MIEF1: variants seen among roughly 807,000 people sequenced by gnomAD.
MIEF1 encodes mitochondrial elongation factor 1.
In MIEF1, 14 loss-of-function variants were observed where a neutral mutation model predicts 35.1. The observed-to-expected ratio is 0.40, with a 90% CI of 0.26 to 0.62. MIEF1 has a LOEUF of 0.62. MIEF1 is among the 20% of genes least tolerant of loss of function. MIEF1 has a pLI of 0.43. For synonymous variants in MIEF1, 245 were observed against 254.3 expected, an observed-to-expected ratio of 0.96 and a Z score of 0.35; for missense variants, 542 against 615.4, an observed-to-expected ratio of 0.88 and a Z score of 1.26.
At chr22:39,511,004 GTAA>G (rs918818512) in intron 2 of MIEF1, among the ~76,000 whole-genome samples, 3 of 152,226 alleles carry the variant, frequency 2.0e-5, no homozygotes, top group Admixed American at 1.3e-4. Flanking sequence ...GTACTTCATT[GTAA>G]TACAAAAAAG....
Position 39,517,002 on chromosome 22 carries a change from G to A in MIEF1, c.*2679G>A, listed in dbSNP as rs1331325966. On this transcript the variant is annotated 3_prime_UTR_variant, in exon 6 of 6. Coordinates refer to ENST00000325301, the MANE Select transcript of MIEF1 (RefSeq NM_019008.6). ...GCCATCTTCCTCATCATAAAGTGTG[G>A]AACATAGGCAATTGCTTTGAGATTC... 1 of 152,600 alleles carries A rather than the reference G, an allele frequency of 6.6e-6. No individual in the cohort carries two copies. Among genetic ancestry groups the A allele is most frequent in the Non-Finnish European group, 1.5e-5 (1 of 68,366 alleles). 9.5% of individuals were successfully genotyped at this position (152,600 alleles called of 1,614,324 possible).
intron 2 of MIEF1, among the ~76,000 whole-genome samples, chr22:39,505,470 G>C (rs1268150400): frequency 6.6e-6 from 1 of 152,172 alleles, no homozygotes; most frequent in East Asian, 1.9e-4. Context: ...GGGATTATAG[G>C]TTCAAACAGC....
In MIEF1 at chr22:39,511,303, C is replaced by T. The variant is rs574333298; in HGVS notation, c.9C>T (p.Gly3=). 1.5e-5 allele frequency: 24 copies of T among 1,613,676 alleles called. No homozygotes were observed. The Middle Eastern group carries it at 6.6e-4, about 44-fold the overall frequency. The part of the protein sequence containing the change: MA[G]AGERKGKKDD... ...TCATTCTCAGATGAGCAATGGCAGG[C>T]GCTGGTGAGCGCAAAGGCAAGAAGG... The change falls in exon 3 of 6, where the codon GGC becomes GGT. Residue 3 remains glycine, a synonymous_variant. Transcript: ENST00000325301.
Position 39,504,470 on chromosome 22 carries a change from G to T in MIEF1, c.-72G>T, listed in dbSNP as rs140380506. ...ATCCTCCAAGGGAAAGAGGACAAAG[G>T]TGCCTTCTGTAGACACTCCTGCTCT... On this transcript the variant is annotated 5_prime_UTR_variant, in exon 2 of 6. Coordinates refer to ENST00000325301, the MANE Select transcript of MIEF1 (RefSeq NM_019008.6). 3 of 398,970 alleles carry T rather than the reference G, an allele frequency of 7.5e-6. No individual in the cohort carries two copies. Among genetic ancestry groups the T allele is most frequent in the East Asian group, 7.1e-5 (2 of 28,072 alleles). The allele number at this position is 398,970 out of a possible 1,614,324, so 24.7% of individuals were successfully genotyped here.
chr22:39,514,779 A>G lies in MIEF1; in HGVS notation c.*456A>G. The G allele has an allele frequency of 4.4e-6, 1 of 228,422 alleles. No homozygotes were observed. The highest frequency in any genetic ancestry group is 5.1e-5 in the Admixed American group (1 of 19,452). The allele number at this position is 228,422 out of a possible 1,614,324, so 14.1% of individuals were successfully genotyped here. Reference sequence around the variant, plus strand: ...CTGCCTAATTAAGATGTTGCCTTTTAGTTGAATGCCACTGAAGAGCTGTGA... The same window carrying G: ...CTGCCTAATTAAGATGTTGCCTTTTGGTTGAATGCCACTGAAGAGCTGTGA... On this transcript the variant is annotated 3_prime_UTR_variant, in exon 6 of 6. Transcript: ENST00000325301.
intron 2 of MIEF1, among the ~76,000 whole-genome samples, chr22:39,511,027 T>G (rs911297681): frequency 2.0e-5 from 3 of 152,244 alleles, no homozygotes; most frequent in Non-Finnish European, 4.4e-5. Context: ...GGACTGACAC[T>G]GAGCTTAATG....
At position 39,514,566 on chromosome 22, in the gene MIEF1, T is replaced by C. The variant is rs1293595086; in HGVS notation, c.*243T>C. ...CGCCCCCTGGCTCCAGGCTAATTTT[T>C]CTGGAATGAATTGAGAAGGTGGCGT... On this transcript the variant is annotated 3_prime_UTR_variant, in exon 6 of 6. Coordinates refer to ENST00000325301, the MANE Select transcript of MIEF1 (RefSeq NM_019008.6). 1.8e-6 allele frequency: 1 copy of C among 549,010 alleles called. No homozygotes were observed. Among genetic ancestry groups the C allele is most frequent in the African/African-American group, 1.9e-5 (1 of 52,960 alleles). 34.0% of individuals were successfully genotyped at this position (549,010 alleles called of 1,614,324 possible).
At chr22:39,507,217 G>A (rs1265567746) in intron 2 of MIEF1, among the ~76,000 whole-genome samples, 1 of 152,144 alleles carries the variant, frequency 6.6e-6, no homozygotes, top group African/African-American at 2.4e-5. Context: ...TGGATGGTGG[G>A]CGGGGGGTGC....
At position 39,515,574 on chromosome 22, in the gene MIEF1, A is replaced by AT. The variant is rs1930620896; in HGVS notation, c.*1252dup. The AT allele has an allele frequency of 1.8e-6, 1 of 554,040 alleles. No homozygotes were observed. The highest frequency in any genetic ancestry group is 3.2e-6 in the Non-Finnish European group (1 of 313,092). The allele number at this position is 554,040 out of a possible 1,614,324, so 34.3% of individuals were successfully genotyped here. A position where few individuals can be genotyped will look rare whatever the true frequency, so the allele number is the denominator to read the frequency against. On this transcript the variant is annotated 3_prime_UTR_variant, in exon 6 of 6. Transcript: ENST00000325301. ...TGCTACCAAGGAAGAGAGCACACAG[A>AT]TAAGACAGAGGGGAGGAGGTGGGCA...
Position 39,513,187 on chromosome 22 carries a change from G to A in MIEF1, c.586-330G>A, listed in dbSNP as rs553096594. 6.0e-5 allele frequency among the ~76,000 whole-genome samples: 9 copies of A among 150,362 alleles called. No homozygotes were observed. In the South Asian group the frequency reaches 1.5e-3, roughly 25 times the overall value. The stretch of plus-strand genomic sequence containing the variant: ...ACGATCTTGGCTCACTGCAACCTCC[G>A]CCTCCTGGGTTCAAGCAATTCTCCT... On this transcript the variant is annotated intron_variant, in intron 5 of 5. Transcript: ENST00000325301.
chr22:39,501,428 C>G (rs1409029361), upstream of MIEF1, among the ~76,000 whole-genome samples: 1 of 152,244 alleles, frequency 6.6e-6, no homozygotes, highest in Non-Finnish European at 1.5e-5. Context: ...GGAAACTTGG[C>G]AGAGGGCAGC....
intron 1 of MIEF1, chr22:39,503,294 C>T (rs1288146098): frequency 6.6e-6 from 1 of 152,190 alleles, no homozygotes; most frequent in Admixed American, 6.5e-5. Flanking sequence ...GTAATGTTGA[C>T]CCCTAGGGTA....
chr22:39,517,920 C>T lies in MIEF1; in HGVS notation c.*3597C>T, dbSNP rs1930763272. Reference sequence around the variant, plus strand: ...ACTTGCCTTCTAGTCACTTGCCTGCCCGCAGTGGTGGTGGATGTGTTAGCT... The same window carrying T: ...ACTTGCCTTCTAGTCACTTGCCTGCTCGCAGTGGTGGTGGATGTGTTAGCT... On this transcript the variant is annotated 3_prime_UTR_variant, in exon 6 of 6. Coordinates refer to ENST00000325301, the MANE Select transcript of MIEF1 (RefSeq NM_019008.6). 1 of 223,796 alleles carries T rather than the reference C, an allele frequency of 4.5e-6. No individual in the cohort carries two copies. The highest frequency in any genetic ancestry group is 9.1e-6 in the Non-Finnish European group (1 of 109,690). The allele number at this position is 223,796 out of a possible 1,614,324, so 13.9% of individuals were successfully genotyped here. A position where few individuals can be genotyped will look rare whatever the true frequency, so the allele number is the denominator to read the frequency against.
At position 39,515,337 on chromosome 22, in the gene MIEF1, G is replaced by A. The variant is rs1930601465; in HGVS notation, c.*1014G>A. 4.2e-6 allele frequency: 3 copies of A among 717,676 alleles called. No individual in the cohort carries two copies. Among genetic ancestry groups the A allele is most frequent in the Non-Finnish European group, 7.8e-6 (3 of 385,128 alleles). The allele number at this position is 717,676 out of a possible 1,614,324, so 44.5% of individuals were successfully genotyped here. ...TCCAGTCACTAGTTGGGGTTTGGTG[G>A]CCATGTTTTCTACCCAGACAGGCCC... On this transcript the variant is annotated 3_prime_UTR_variant, in exon 6 of 6. Coordinates refer to ENST00000325301, the MANE Select transcript of MIEF1 (RefSeq NM_019008.6).
Position 39,513,631 on chromosome 22 carries a change from C to T in MIEF1, c.700C>T (p.Arg234Cys), listed in dbSNP as rs1930489331. The stretch of plus-strand genomic sequence containing the variant: ...GAATGTCCCTGGCTTCTTCCTGGTG[C>T]GTCGTGAGAATCCAGAGTACTTTCC... ...IMNVPGFFLV[R>C]RENPEYFPRG... The change falls in exon 6 of 6, where the codon CGT (arginine) becomes TGT (cysteine). Residue 234 changes from arginine to cysteine, a missense_variant. Arg to Cys is a radical substitution (Grantham distance 180). Transcript: ENST00000325301. 1.2e-6 allele frequency: 2 copies of T among 1,614,156 alleles called. No individual in the cohort carries two copies. The highest frequency in any genetic ancestry group is 1.7e-6 in the Non-Finnish European group (2 of 1,180,040).
chr22:39,502,386 G>A lies in MIEF1; in HGVS notation c.-391G>A, dbSNP rs1036003688. 4.5e-4 allele frequency: 69 copies of A among 152,482 alleles called. No individual in the cohort carries two copies. Among genetic ancestry groups the A allele is most frequent in the African/African-American group, 1.6e-3 (68 of 41,588 alleles). The allele number at this position is 152,482 out of a possible 1,614,324, so 9.4% of individuals were successfully genotyped here. A position where few individuals can be genotyped will look rare whatever the true frequency, so the allele number is the denominator to read the frequency against. ...CATGTTGATGGGTGACCCGGGGAGA[G>A]GTACCCGGCCAGAGGCGAGTCCTGC... On this transcript the variant is annotated 5_prime_UTR_variant, in exon 1 of 6. Coordinates refer to ENST00000325301, the MANE Select transcript of MIEF1 (RefSeq NM_019008.6).
chr22:39,511,943 C>T lies in MIEF1; in HGVS notation c.239C>T (p.Pro80Leu). ...SWEEPNWMGS[P>L]RLLNRDMKTG... Reference sequence around the variant, plus strand: ...GAAGAACCCAACTGGATGGGCTCCCCACGACTGCTGAACAGGGACATGAAG... The same window carrying T: ...GAAGAACCCAACTGGATGGGCTCCCTACGACTGCTGAACAGGGACATGAAG... Residue 80 changes from proline to leucine, a missense_variant, in exon 4 of 6, where the codon CCA becomes CTA. Coordinates refer to ENST00000325301, the MANE Select transcript of MIEF1 (RefSeq NM_019008.6). The T allele has an allele frequency of 6.2e-7, 1 of 1,614,214 alleles. No individual in the cohort carries two copies. Among genetic ancestry groups the T allele is most frequent in the Non-Finnish European group, 8.5e-7 (1 of 1,180,056 alleles).
rs1240921516 is a variant in MIEF1, at chr22:39,517,627, T to G, written c.*3304T>G. The G allele has an allele frequency of 2.1e-6, 1 of 470,958 alleles. No individual in the cohort carries two copies. The highest frequency in any genetic ancestry group is 2.0e-5 in the African/African-American group (1 of 50,066). The allele number at this position is 470,958 out of a possible 1,614,324, so 29.2% of individuals were successfully genotyped here. A position where few individuals can be genotyped will look rare whatever the true frequency, so the allele number is the denominator to read the frequency against. On this transcript the variant is annotated 3_prime_UTR_variant, in exon 6 of 6. Transcript: ENST00000325301. ...GCCATGATACTTCCTTGGGACTGAC[T>G]TGGCTGAGAACGTGTTCTGTCAGAG...
Position 39,513,542 on chromosome 22 carries a change from T to G in MIEF1, c.611T>G (p.Leu204Arg). 3.1e-6 allele frequency: 5 copies of G among 1,614,122 alleles called. No homozygotes were observed. The highest frequency in any genetic ancestry group is 4.2e-6 in the Non-Finnish European group (5 of 1,179,976). ...LQVVTADHIQ[L>R]IVPLVLEQNL... The stretch of plus-strand genomic sequence containing the variant: ...GTGGTGACAGCTGACCACATCCAAC[T>G]CATTGTGCCCCTTGTGCTGGAGCAG... The change falls in exon 6 of 6, where the codon CTC (leucine) becomes CGC (arginine). Residue 204 changes from leucine to arginine, a missense_variant. Leu to Arg is a moderately radical substitution (Grantham distance 102). Coordinates refer to ENST00000325301, the MANE Select transcript of MIEF1 (RefSeq NM_019008.6).
Sources: allele counts gnomAD v4.1 joint callset (sites outside exome capture counted in the v4.1 genomes callset), GRCh38; gene constraint gnomAD v4.1.1; transcripts MANE v1.5; gene names NCBI Gene and HGNC (gene_info 2026-07-23, HGNC 2026-07-21).